RWDD3: variants seen among roughly 807,000 people sequenced by gnomAD.
RWDD3 encodes RWD domain-containing protein 3.
RWDD3 carries 30 observed loss-of-function variants against 26.5 expected under a neutral mutation model. The ratio of observed to expected loss-of-function variants is 1.13; its 90% CI spans 0.85 to 1.54. The LOEUF (loss-of-function observed/expected upper bound fraction) is 1.54, where lower values mean the gene tolerates loss of function less well. RWDD3 is among the 40% of genes most tolerant of loss of function. RWDD3 has a pLI of 0.00. For synonymous variants in RWDD3, 113 were observed against 114.5 expected, an observed-to-expected ratio of 0.99 and a Z score of 0.09; for missense variants, 296 against 309.1, an observed-to-expected ratio of 0.96 and a Z score of 0.32.
At chr1:95,234,169 C>A, upstream of RWDD3, 3 of 1,512,526 alleles carry the variant, frequency 2.0e-6, no homozygotes, top group East Asian at 2.5e-5. Context: ...CTGCTCCTGG[C>A]CGGTGGAGGC....
intron 1 of RWDD3, among the ~76,000 whole-genome samples, chr1:95,242,132 C>A (rs1214349203): frequency 6.6e-6 from 1 of 152,198 alleles, no homozygotes; most frequent in Non-Finnish European, 1.5e-5. Context: ...TTTTTCCCAC[C>A]ACCCTGACTG....
Position 95,244,352 on chromosome 1 carries a change from C to G in RWDD3, c.227C>G (p.Thr76Ser). ...PGISINSEQL[T>S]RAQCVTVKEN... is the part of the protein sequence containing the mutation. Reference sequence around the variant, plus strand: ...ATCTCGATTAACTCTGAACAGTTGACCAGGGCCCAGTGTGTGACTGTGAAA... The same window carrying G: ...ATCTCGATTAACTCTGAACAGTTGAGCAGGGCCCAGTGTGTGACTGTGAAA... The change falls in exon 2 of 4, where the codon ACC becomes AGC. Residue 76 changes from threonine to serine, a missense_variant. Coordinates refer to ENST00000370202, the MANE Select transcript of RWDD3 (RefSeq NM_015485.5). 1 of 1,614,124 alleles carries G rather than the reference C, an allele frequency of 6.2e-7. No homozygotes were observed. The highest frequency in any genetic ancestry group is 8.5e-7 in the Non-Finnish European group (1 of 1,180,038).
At chr1:95,235,447 C>T (rs1435468938) in intron 1 of RWDD3, among the ~76,000 whole-genome samples, 13 of 146,636 alleles carry the variant, frequency 8.9e-5, no homozygotes, top group African/African-American at 2.5e-4. Flanking sequence ...CAAGCTCCAC[C>T]TCCTGGGTTC....
chr1:95,246,745 G>C lies in RWDD3; in HGVS notation c.690-11G>C. 6.5e-7 allele frequency: 1 copy of C among 1,550,152 alleles called. No homozygotes were observed. Among genetic ancestry groups the C allele is most frequent in the Non-Finnish European group, 8.7e-7 (1 of 1,147,790 alleles). On this transcript the variant is annotated splice_polypyrimidine_tract_variant and intron_variant, in intron 3 of 3. Transcript: ENST00000370202. ...CTAGGCATATTCATGAGTTTCTTTT[G>C]TATAATGCAGGTTTCTGGCATTTGA...
intron 1 of RWDD3, 57 bp from the exon 2 acceptor site, chr1:95,244,154 G>T (rs994533275): frequency 6.4e-7 from 1 of 1,551,166 alleles, no homozygotes. Context: ...GAACTTGCTG[G>T]TGTTCCATTC....
At chr1:95,246,708 A>C in intron 3 of RWDD3, 48 bp from the exon 4 acceptor site, 1 of 1,534,786 alleles carries the variant, frequency 6.5e-7, no homozygotes, top group Non-Finnish European at 8.9e-7. Flanking sequence ...CGATAATTAT[A>C]CTCTGACAAA....
intron 1 of RWDD3, among the ~76,000 whole-genome samples, chr1:95,236,454 A>G (rs1323065156): frequency 6.6e-6 from 1 of 152,162 alleles, no homozygotes; most frequent in Non-Finnish European, 1.5e-5. Context: ...GTTGACTTCC[A>G]TTTATTCCTT....
At chr1:95,240,630 A>C (rs545707889) in intron 1 of RWDD3, among the ~76,000 whole-genome samples, 1 of 152,240 alleles carries the variant, frequency 6.6e-6, no homozygotes, top group South Asian at 2.1e-4. Context: ...AGGAAGTCAG[A>C]GTGGTAGGCT....
At chr1:95,243,398 G>A (rs1047672950) in intron 1 of RWDD3, 1 of 152,244 alleles carries the variant, frequency 6.6e-6, no homozygotes, top group Non-Finnish European at 1.5e-5. Context: ...GGGGTAGAGA[G>A]AGGCAAGTTA....
At chr1:95,241,906 A>G (rs1680643253) in intron 1 of RWDD3, among the ~76,000 whole-genome samples, 1 of 152,016 alleles carries the variant, frequency 6.6e-6, no homozygotes, top group African/African-American at 2.4e-5. Flanking sequence ...ACAGATAATC[A>G]AAGGTTGCTC....
intron 1 of RWDD3, among the ~76,000 whole-genome samples, chr1:95,234,759 G>A (rs572407844): frequency 1.3e-5 from 2 of 152,238 alleles, no homozygotes; most frequent in African/African-American, 4.8e-5. Flanking sequence ...TAAGTTGCAG[G>A]AGGGCAGGGT....
At chr1:95,243,559 T>C (rs1488326890) in intron 1 of RWDD3, 4 of 152,526 alleles carry the variant, frequency 2.6e-5, no homozygotes, top group African/African-American at 4.8e-5. Context: ...TATGATATCC[T>C]ATGTGTGCTT....
chr1:95,240,007 A>G, intron 1 of RWDD3: 2 of 1,113,674 alleles, frequency 1.8e-6, no homozygotes, highest in Non-Finnish European at 2.4e-6. Context: ...ATCTTGCTTC[A>G]GTGCGGATAC....
intron 1 of RWDD3, among the ~76,000 whole-genome samples, chr1:95,240,890 G>A (rs1680590711): frequency 6.6e-6 from 1 of 151,956 alleles, no homozygotes; most frequent in Non-Finnish European, 1.5e-5. Flanking sequence ...TTATGCCTAG[G>A]CTAGGTGTGG....
At chr1:95,234,570 G>A (rs1054373037) in intron 1 of RWDD3, among the ~76,000 whole-genome samples, 2 of 151,870 alleles carry the variant, frequency 1.3e-5, no homozygotes, top group African/African-American at 2.4e-5. Context: ...TCCCGGAGCC[G>A]GGGGCCCCTG....
At chr1:95,235,271 C>T (rs1204709097) in intron 1 of RWDD3, among the ~76,000 whole-genome samples, 2 of 148,122 alleles carry the variant, frequency 1.4e-5, no homozygotes, top group African/African-American at 2.5e-5. Flanking sequence ...CCAGGATGGT[C>T]TCGATCTCCG....
In RWDD3 at chr1:95,244,331, C is replaced by G. The variant is rs559572464; in HGVS notation, c.206C>G (p.Ser69Trp). ...TATCCTTCATGTCTACCTGGTATCT[C>G]GATTAACTCTGAACAGTTGACCAGG... ...VNYPSCLPGI[S>W]INSEQLTRAQ... is the part of the protein sequence containing the mutation. The change falls in exon 2 of 4, where the codon TCG becomes TGG. Residue 69 changes from serine (S) to tryptophan (W), a missense_variant. Ser to Trp is a radical substitution (Grantham distance 177). Coordinates refer to ENST00000370202, the MANE Select transcript of RWDD3 (RefSeq NM_015485.5). The G allele has an allele frequency of 5.5e-5, 88 of 1,613,992 alleles. No homozygotes were observed. Among genetic ancestry groups the G allele is most frequent in the Non-Finnish European group, 7.0e-5 (83 of 1,180,020 alleles).
In RWDD3 at chr1:95,246,650, C is replaced by T; in HGVS notation, c.682C>T (p.His228Tyr). ...VLFETKVQTE[H>Y]KRFLAFEVKE... ...GTTTGAAACAAAAGTACAGACAGAA[C>T]ACAAAAGGTATAATTTAGTACTATT... The change falls in exon 3 of 4, where the codon CAC becomes TAC. Residue 228 changes from histidine (H) to tyrosine (Y), a missense_variant. By Grantham distance (83) the His-to-Tyr change is moderately conservative. Transcript: ENST00000370202. The T allele has an allele frequency of 6.2e-7, 1 of 1,600,770 alleles. No individual in the cohort carries two copies. The highest frequency in any genetic ancestry group is 8.5e-7 in the Non-Finnish European group (1 of 1,170,118).
rs187035602 is a variant in RWDD3, at chr1:95,244,965, C to T, written c.573+267C>T. On this transcript the variant is annotated intron_variant, in intron 2 of 3. Transcript: ENST00000370202. The stretch of plus-strand genomic sequence containing the variant: ...GACAGGTTATTTAAAAGCTCTGTGG[C>T]ACATGAGTGTTTGTTTCTGTAATTA... The T allele has an allele frequency of 2.0e-3, 745 of 377,000 alleles. 9 individuals carry two copies. The highest frequency in any genetic ancestry group is 9.3e-3 in the South Asian group (199 of 21,444). The allele number at this position is 377,000 out of a possible 1,614,324, so 23.4% of individuals were successfully genotyped here.
Sources: gnomAD v4.1 joint callset for allele counts (sites outside exome capture counted in the v4.1 genomes callset) on GRCh38, gnomAD v4.1.1 for gene constraint, MANE v1.5 for transcripts, NCBI Gene and HGNC (gene_info 2026-07-23, HGNC 2026-07-21) for gene names.